Variants in ADK observed in about 807,000 individuals in gnomAD.
ADK encodes the protein N6,N6-dimethyladenosine kinase.
ADK carries 24 observed loss-of-function variants against 44.7 expected under a neutral mutation model. The ratio of observed to expected loss-of-function variants is 0.54; its 90% CI spans 0.39 to 0.76. The LOEUF is 0.76. Among genes scored for constraint, ADK ranks in the 30% least tolerant of loss-of-function variants. The pLI, the probability that ADK is intolerant of heterozygous loss-of-function variation, is 0.00. For synonymous variants in ADK, 128 were observed against 142.6 expected (o/e 0.90, Z 0.73); for missense variants, 321 against 425.1 (o/e 0.76, Z 2.15).
intron 1 of ADK, among the ~76,000 whole-genome samples, chr10:74,170,799 CAA>C (rs938297412): frequency 3.2e-4 from 17 of 52,862 alleles, no homozygotes; most frequent in Non-Finnish European, 4.0e-4. Context: ...GACTCCATCT[CAA>C]AAAAAAAAAA....
chr10:74,171,808 CTCTGTGTGTG>C (rs1302760782), intron 1 of ADK, among the ~76,000 whole-genome samples: 2 of 142,534 alleles, frequency 1.4e-5, no homozygotes, highest in African/African-American at 2.8e-5. Flanking sequence ...CTCTCTGTCT[CTCTGTGTGTG>C]TGTGTGTGTG....
chr10:74,468,380 C>G (rs1478525185), intron 6 of ADK, among the ~76,000 whole-genome samples: 1 of 152,116 alleles, frequency 6.6e-6, no homozygotes, highest in Non-Finnish European at 1.5e-5. Flanking sequence ...AAAGTAATGT[C>G]TAGTGATCCT....
chr10:74,188,350 T>TCTGCTC (rs1172298075), intron 1 of ADK, among the ~76,000 whole-genome samples: 6 of 143,450 alleles, frequency 4.2e-5, no homozygotes, highest in African/African-American at 1.5e-4. Context: ...TTAATTTTTT[T>TCTGCTC]TTTTTTTTTT....
intron 6 of ADK, among the ~76,000 whole-genome samples, chr10:74,405,923 G>A (rs534525464): frequency 6.6e-6 from 1 of 152,040 alleles, no homozygotes; most frequent in South Asian, 2.1e-4. Flanking sequence ...CTTAAGAAAA[G>A]ACCCTCTACA....
In ADK at chr10:74,364,961, G is replaced by A. The variant is rs538378986; in HGVS notation, c.274-29180G>A. ...ACAGGACAATTTTCCTCTGTTCTCC[G>A]TACATCCAGCCTGGCTGTCCTCCAG... is the stretch of plus-strand genomic sequence containing the variant. On this transcript the variant is annotated intron_variant, in intron 4 of 10. Coordinates refer to ENST00000539909, the MANE Select transcript of ADK (RefSeq NM_006721.4). Among the ~76,000 whole-genome samples the A allele has an allele frequency of 4.0e-5, 6 of 151,772 alleles. No homozygotes were observed. The East Asian group carries it at 5.8e-4, about 15-fold the overall frequency.
At chr10:74,653,311 G>T (rs920005286) in intron 9 of ADK, among the ~76,000 whole-genome samples, 4 of 152,054 alleles carry the variant, frequency 2.6e-5, no homozygotes, top group African/African-American at 9.7e-5. Context: ...AACTAGTTGG[G>T]CTTGGTGGTG....
intron 1 of ADK, among the ~76,000 whole-genome samples, chr10:74,172,877 G>C (rs1008524555): frequency 4.9e-5 from 7 of 144,144 alleles, no homozygotes; most frequent in Non-Finnish European, 9.0e-5. Context: ...CTGCCCTCCA[G>C]CTTGGTGACA....
chr10:74,257,297 C>T (rs1349780865), intron 3 of ADK, among the ~76,000 whole-genome samples: 1 of 152,162 alleles, frequency 6.6e-6, no homozygotes, highest in East Asian at 1.9e-4. Context: ...TCTGTATTTT[C>T]AATCCACATT....
At chr10:74,696,622 G>A (rs1856218322) in intron 10 of ADK, among the ~76,000 whole-genome samples, 2 of 151,708 alleles carry the variant, frequency 1.3e-5, no homozygotes, top group Non-Finnish European at 1.5e-5. Flanking sequence ...TGCCCGCCTC[G>A]GCCTCCCAAA....
At chr10:74,485,254 C>A (rs1270657944) in intron 6 of ADK, among the ~76,000 whole-genome samples, 1 of 151,840 alleles carries the variant, frequency 6.6e-6, no homozygotes, top group African/African-American at 2.4e-5. Context: ...AGAAGAAAAT[C>A]ACATGTGTAT....
chr10:74,300,236 T>TTCTCTC (rs149691370), intron 3 of ADK, among the ~76,000 whole-genome samples: 17 of 139,004 alleles, frequency 1.2e-4, no homozygotes, highest in African/African-American at 3.6e-4. Context: ...GTTTCTTTCT[T>TTCTCTC]TCTCTCTCTC....
chr10:74,464,847 G>GAGAGAAAA (rs1226971311), intron 6 of ADK, among the ~76,000 whole-genome samples: 2 of 152,002 alleles, frequency 1.3e-5, no homozygotes, highest in African/African-American at 2.4e-5. Context: ...GAAAAAAAGA[G>GAGAGAAAA]AGAGAGAGAG....
chr10:74,613,975 G>T (rs1251454581), intron 9 of ADK, among the ~76,000 whole-genome samples: 1 of 151,990 alleles, frequency 6.6e-6, no homozygotes, highest in East Asian at 1.9e-4. Context: ...GTTCTTACCA[G>T]GTAAGATCTT....
intron 2 of ADK, among the ~76,000 whole-genome samples, chr10:74,211,475 A>G (rs1843809616): frequency 6.6e-6 from 1 of 152,226 alleles, no homozygotes; most frequent in African/African-American, 2.4e-5. Context: ...AAAAACGTAT[A>G]CATCTTATGG....
At position 74,532,666 on chromosome 10, in the gene ADK, C is replaced by T. The variant is rs146734444; in HGVS notation, c.726+7240C>T. On this transcript the variant is annotated intron_variant, in intron 7 of 10. Coordinates refer to ENST00000539909, the MANE Select transcript of ADK (RefSeq NM_006721.4). Reference sequence around the variant, plus strand: ...CTGTAATCCCAGCACTTTGGGAGGCCGAGGCTGGTGGATCATTTGAGGTCA... The same window carrying T: ...CTGTAATCCCAGCACTTTGGGAGGCTGAGGCTGGTGGATCATTTGAGGTCA... 4.8e-3 allele frequency among the ~76,000 whole-genome samples: 723 copies of T among 151,818 alleles called. 8 individuals are homozygous for T. Among genetic ancestry groups the T allele is most frequent in the African/African-American group, 0.017 (689 of 41,428 alleles).
chr10:74,639,263 C>G (rs1853740689), intron 9 of ADK, among the ~76,000 whole-genome samples: 1 of 152,152 alleles, frequency 6.6e-6, no homozygotes, highest in Non-Finnish European at 1.5e-5. Context: ...GTCATATACT[C>G]TTAATATTGC....
At chr10:74,529,026 A>G (rs1849174921) in intron 7 of ADK, among the ~76,000 whole-genome samples, 1 of 152,208 alleles carries the variant, frequency 6.6e-6, no homozygotes, top group South Asian at 2.1e-4. Flanking sequence ...TATATTACCC[A>G]AAATAACTGA....
At chr10:74,524,396 T>G (rs1000765063) in intron 6 of ADK, among the ~76,000 whole-genome samples, 5 of 152,214 alleles carry the variant, frequency 3.3e-5, no homozygotes, top group Non-Finnish European at 5.9e-5. Flanking sequence ...TATGATTGAT[T>G]GATTGATTGA....
At chr10:74,596,705 C>T (rs752885615) in intron 8 of ADK, among the ~76,000 whole-genome samples, 1 of 152,138 alleles carries the variant, frequency 6.6e-6, no homozygotes, top group Non-Finnish European at 1.5e-5. Context: ...GCCACCACAC[C>T]TAGCAAATTT....
Sources: allele counts gnomAD v4.1 joint callset (sites outside exome capture counted in the v4.1 genomes callset), GRCh38; gene constraint gnomAD v4.1.1; transcripts MANE v1.5; gene names NCBI Gene and HGNC (gene_info 2026-07-23, HGNC 2026-07-21).